LARS2: variants seen among roughly 807,000 people sequenced by gnomAD.
LARS2 encodes the protein leucine--tRNA ligase, mitochondrial.
Under a neutral mutation model 116.6 loss-of-function variants are expected in LARS2, and 81 were observed. The ratio of observed to expected loss-of-function variants is 0.69; its 90% confidence interval spans 0.58 to 0.84. The LOEUF (loss-of-function observed/expected upper bound fraction) is 0.84, where lower values mean the gene tolerates loss of function less well. Among genes scored for constraint, LARS2 ranks in the 40% least tolerant of loss-of-function variants. LARS2 has a pLI of 0.00. For synonymous variants in LARS2, 396 were observed against 407.2 expected (o/e 0.97, Z 0.33); for missense variants, 968 against 1,114.5 (o/e 0.87, Z 1.87).
rs771500541 is a variant in LARS2, at chr3:45,496,391, A to G, written c.1622+18A>G. On this transcript the variant is annotated intron_variant, in intron 14 of 21. Coordinates refer to ENST00000645846, the MANE Select transcript of LARS2 (RefSeq NM_015340.4). The stretch of plus-strand genomic sequence containing the variant: ...CCACACAGGTAAAACGTCCCTGCTG[A>G]TGTCTTTGAGCATTTGTCAGTGTGG... The G allele has an allele frequency of 5.1e-6, 8 of 1,574,524 alleles. No homozygotes were observed. Among genetic ancestry groups the G allele is most frequent in the African/African-American group, 1.4e-5 (1 of 74,052 alleles).
chr3:45,416,265 A>AG (rs1442230884), intron 4 of LARS2, among the ~76,000 whole-genome samples: 2 of 152,012 alleles, frequency 1.3e-5, no homozygotes, highest in Non-Finnish European at 2.9e-5. Context: ...GGAAAAAAAA[A>AG]AAAAGAAAGG....
chr3:45,541,593 C>T, intron 20 of LARS2: 1 of 522,890 alleles, frequency 1.9e-6, no homozygotes, highest in Non-Finnish European at 3.4e-6. Context: ...TTTAGAATGG[C>T]TTATCCATCC....
chr3:45,465,955 A>G (rs9834567), intron 8 of LARS2, among the ~76,000 whole-genome samples: 4,438 of 152,312 alleles, frequency 0.029, 206 homozygotes, highest in African/African-American at 0.1. Context: ...CTCCAGATGT[A>G]TGAGAATAAA....
intron 8 of LARS2, among the ~76,000 whole-genome samples, chr3:45,469,964 A>G (rs1300864072): frequency 1.3e-5 from 2 of 152,194 alleles, no homozygotes; most frequent in Non-Finnish European, 2.9e-5. Context: ...GTACATTTTA[A>G]TTAGATGTTG....
intron 4 of LARS2, among the ~76,000 whole-genome samples, chr3:45,410,882 T>C (rs112653359): frequency 3.9e-5 from 6 of 152,292 alleles, no homozygotes; most frequent in African/African-American, 1.4e-4. Context: ...CTATATTAAG[T>C]TGGACACAGA....
intron 8 of LARS2, among the ~76,000 whole-genome samples, chr3:45,460,867 T>C (rs1699310736): frequency 6.6e-6 from 1 of 152,190 alleles, no homozygotes; most frequent in East Asian, 1.9e-4. Flanking sequence ...AGACTCATTT[T>C]AATAAAAAAT....
intron 4 of LARS2, among the ~76,000 whole-genome samples, chr3:45,416,029 C>T (rs1698415906): frequency 1.3e-5 from 2 of 151,394 alleles, no homozygotes; most frequent in Non-Finnish European, 2.9e-5. Context: ...TGCTGTGTTC[C>T]TGTGTATTTT....
chr3:45,447,615 G>C (rs987678199), intron 7 of LARS2, among the ~76,000 whole-genome samples: 3 of 152,182 alleles, frequency 2.0e-5, no homozygotes, highest in Admixed American at 6.5e-5. Context: ...CCTTGCAGAT[G>C]TTGGCACCAT....
chr3:45,462,084 A>G (rs1350360980), intron 8 of LARS2, among the ~76,000 whole-genome samples: 2 of 152,170 alleles, frequency 1.3e-5, no homozygotes, highest in Non-Finnish European at 2.9e-5. Context: ...ATCAGTTAGT[A>G]ATGCTTTCGG....
chr3:45,430,556 A>G (rs1559466596), intron 6 of LARS2, among the ~76,000 whole-genome samples: 1 of 144,506 alleles, frequency 6.9e-6, no homozygotes, highest in Admixed American at 7.0e-5. Flanking sequence ...CTAGGATTAT[A>G]GGCGTGAGCC....
intron 11 of LARS2, among the ~76,000 whole-genome samples, chr3:45,486,642 T>C (rs4683118): frequency 1.3e-5 from 2 of 152,122 alleles, no homozygotes; most frequent in Non-Finnish European, 2.9e-5. Flanking sequence ...CAGTGTTTCA[T>C]GAAGTTGTTT....
chr3:45,520,513 A>G (rs931753279), intron 19 of LARS2, among the ~76,000 whole-genome samples: 20 of 152,140 alleles, frequency 1.3e-4, no homozygotes, highest in South Asian at 6.2e-4. Flanking sequence ...TTCTCCCCCA[A>G]TATTTTACAG....
intron 4 of LARS2, among the ~76,000 whole-genome samples, chr3:45,412,881 C>T (rs1313666652): frequency 6.6e-6 from 1 of 152,228 alleles, no homozygotes; most frequent in Non-Finnish European, 1.5e-5. Flanking sequence ...GAGTCCTTGC[C>T]TGGGGCAATT....
At position 45,422,977 on chromosome 3, in the gene LARS2, C is replaced by T. The variant is rs191670721; in HGVS notation, c.516+3248C>T. Among the ~76,000 whole-genome samples, 51 of 152,236 alleles carry T rather than the reference C, an allele frequency of 3.4e-4. 1 individual carries two copies. The South Asian group carries it at 8.1e-3, about 24-fold the overall frequency. ...ATAACTCGTATTTATTTTCATAACT[C>T]GTACTTATTTTCTAATTAAACTTTT... On this transcript the variant is annotated intron_variant, in intron 6 of 21. Coordinates refer to ENST00000645846, the MANE Select transcript of LARS2 (RefSeq NM_015340.4).
At chr3:45,404,234 C>G (rs1383248880) in intron 4 of LARS2, among the ~76,000 whole-genome samples, 2 of 152,184 alleles carry the variant, frequency 1.3e-5, no homozygotes, top group African/African-American at 4.8e-5. Flanking sequence ...TTTAAGATAG[C>G]AAGCCCTCTT....
intron 21 of LARS2, among the ~76,000 whole-genome samples, chr3:45,543,679 GT>G (rs1700831663): frequency 6.6e-6 from 1 of 151,846 alleles, no homozygotes; most frequent in Admixed American, 6.6e-5. Context: ...GGCCAGGCTG[GT>G]TTCAAACTCC....
At chr3:45,400,981 T>C (rs1240549709) in intron 4 of LARS2, among the ~76,000 whole-genome samples, 1 of 151,896 alleles carries the variant, frequency 6.6e-6, no homozygotes, top group East Asian at 1.9e-4. Context: ...GCCTGGCTAA[T>C]TTTTTGTATT....
chr3:45,411,808 C>A (rs1349652115), intron 4 of LARS2, among the ~76,000 whole-genome samples: 1 of 152,082 alleles, frequency 6.6e-6, no homozygotes, highest in Non-Finnish European at 1.5e-5. Context: ...AAGCCTAGTA[C>A]CCAATAGTTA....
At chr3:45,430,654 A>G (rs1305962680) in intron 6 of LARS2, among the ~76,000 whole-genome samples, 3 of 113,866 alleles carry the variant, frequency 2.6e-5, no homozygotes, top group Admixed American at 2.2e-4. Flanking sequence ...GCGCGATCTC[A>G]GCTCACTGCG....
Sources: allele counts gnomAD v4.1 joint callset (sites outside exome capture counted in the v4.1 genomes callset), GRCh38; gene constraint gnomAD v4.1.1; transcripts MANE v1.5; gene names NCBI Gene and HGNC (gene_info 2026-07-23, HGNC 2026-07-21).